Variants in RPS6KC1 observed in about 807,000 individuals in gnomAD.
RPS6KC1 encodes inactive ribosomal protein S6 kinase delta-1.
A neutral mutation model predicts 103.8 loss-of-function variants in RPS6KC1; 54 were observed. The observed-to-expected ratio is 0.52, with a 90% CI of 0.42 to 0.65. RPS6KC1 has a LOEUF of 0.65. Ranked by LOEUF, RPS6KC1 falls within the 30% of genes least tolerant of loss-of-function variation. RPS6KC1 has a pLI of 0.00. For missense variants in RPS6KC1, 1,151 were observed against 1,253.8 expected, an observed-to-expected ratio of 0.92 and a Z score of 1.24; for synonymous variants, 439 against 438.7, an observed-to-expected ratio of 1.00 and a Z score of -0.01.
the RPS6KC1 span, among the ~76,000 whole-genome samples, chr1:213,558,694 A>G: frequency 0.77 from 116,990 of 152,154 alleles, 45,879 homozygotes; most frequent in East Asian, 0.98. Flanking sequence ...TTCTCCATAC[A>G]TAGTGGACTG....
At chr1:213,372,955 G>A in the RPS6KC1 span, among the ~76,000 whole-genome samples, 1 of 152,140 alleles carries the variant, frequency 6.6e-6, no homozygotes, top group Non-Finnish European at 1.5e-5. Flanking sequence ...TGGTTGTAAT[G>A]TTGAAGGTGT....
chr1:213,136,523 G>A (rs566790248), intron 6 of RPS6KC1, among the ~76,000 whole-genome samples: 9 of 152,012 alleles, frequency 5.9e-5, no homozygotes, highest in Non-Finnish European at 1.2e-4. Flanking sequence ...CAACAGTGCC[G>A]TTTATTATCC....
At chr1:213,632,857 C>A in the RPS6KC1 span, among the ~76,000 whole-genome samples, 2 of 152,158 alleles carry the variant, frequency 1.3e-5, no homozygotes, top group African/African-American at 4.8e-5. Flanking sequence ...CCTTAAATGA[C>A]CTGATGGAGC....
At chr1:213,375,073 A>G in the RPS6KC1 span, among the ~76,000 whole-genome samples, 12 of 151,830 alleles carry the variant, frequency 7.9e-5, no homozygotes, top group African/African-American at 2.4e-4. Context: ...ACACACACAT[A>G]CACACATACA....
chr1:213,306,244 C>T, the RPS6KC1 span, among the ~76,000 whole-genome samples: 3 of 152,278 alleles, frequency 2.0e-5, no homozygotes, highest in East Asian at 5.8e-4. Flanking sequence ...CATGGCCTCA[C>T]TTAATTGCCA....
the RPS6KC1 span, among the ~76,000 whole-genome samples, chr1:213,670,340 A>G: frequency 2.0e-5 from 3 of 152,302 alleles, no homozygotes; most frequent in Non-Finnish European, 4.4e-5. Flanking sequence ...GTTTTCGTTG[A>G]CTGTCCCAGG....
chr1:213,331,718 G>A, the RPS6KC1 span, among the ~76,000 whole-genome samples: 11 of 152,226 alleles, frequency 7.2e-5, no homozygotes, highest in East Asian at 1.9e-3. Context: ...TTTGAAGGAG[G>A]CCATGACTGT....
the RPS6KC1 span, among the ~76,000 whole-genome samples, chr1:213,564,060 T>C: frequency 6.6e-6 from 1 of 151,898 alleles, no homozygotes; most frequent in Non-Finnish European, 1.5e-5. Flanking sequence ...CATTTATTAC[T>C]GTTAGTAATG....
At chr1:213,157,207 A>G (rs889367318) in intron 6 of RPS6KC1, among the ~76,000 whole-genome samples, 1 of 151,206 alleles carries the variant, frequency 6.6e-6, no homozygotes, top group African/African-American at 2.4e-5. Context: ...TGAATTTTCC[A>G]ATTTTTAATT....
chr1:213,541,322 T>C, the RPS6KC1 span, among the ~76,000 whole-genome samples: 3 of 151,290 alleles, frequency 2.0e-5, no homozygotes, highest in Admixed American at 6.6e-5. Flanking sequence ...CAGATCACCA[T>C]AACAGATTTA....
At chr1:213,104,151 T>C (rs1428161023) in intron 3 of RPS6KC1, among the ~76,000 whole-genome samples, 1 of 152,242 alleles carries the variant, frequency 6.6e-6, no homozygotes. Flanking sequence ...TTTTCATCTT[T>C]AGTTTCGAAT....
the RPS6KC1 span, among the ~76,000 whole-genome samples, chr1:213,290,853 G>T: frequency 1.3e-5 from 2 of 152,114 alleles, no homozygotes; most frequent in African/African-American, 4.8e-5. Context: ...TTGACCACCT[G>T]TCTTGTACTT....
the RPS6KC1 span, among the ~76,000 whole-genome samples, chr1:213,335,674 T>A: frequency 1.4e-4 from 21 of 152,182 alleles, no homozygotes; most frequent in African/African-American, 4.3e-4. Context: ...CACACCAAGA[T>A]ACAAGGGAGA....
the RPS6KC1 span, among the ~76,000 whole-genome samples, chr1:213,703,284 C>T: frequency 6.6e-6 from 1 of 152,090 alleles, no homozygotes; most frequent in Non-Finnish European, 1.5e-5. Context: ...GTTGTTTCTA[C>T]TTATATCTTA....
chr1:213,214,505 G>T (rs563679255), intron 8 of RPS6KC1, among the ~76,000 whole-genome samples: 1 of 152,320 alleles, frequency 6.6e-6, no homozygotes, highest in Admixed American at 6.5e-5. Flanking sequence ...AAATGTCCCT[G>T]TCTGACAGCT....
the RPS6KC1 span, among the ~76,000 whole-genome samples, chr1:213,675,258 T>C: frequency 1.1e-4 from 16 of 152,348 alleles, no homozygotes; most frequent in African/African-American, 3.8e-4. Flanking sequence ...TTAGCACCTG[T>C]CACATGCTGC....
At chr1:213,638,212 A>T in the RPS6KC1 span, among the ~76,000 whole-genome samples, 1 of 152,020 alleles carries the variant, frequency 6.6e-6, no homozygotes, top group African/African-American at 2.4e-5. Context: ...ATATATTCAA[A>T]TTTTTGCCGA....
chr1:213,827,189 G>A, the RPS6KC1 span, among the ~76,000 whole-genome samples: 1 of 152,132 alleles, frequency 6.6e-6, no homozygotes, highest in East Asian at 1.9e-4. Context: ...ACATGTTATT[G>A]AACCTCCACA....
At chr1:213,641,076 G>A in the RPS6KC1 span, among the ~76,000 whole-genome samples, 6 of 151,346 alleles carry the variant, frequency 4.0e-5, no homozygotes, top group African/African-American at 1.2e-4. Flanking sequence ...TTAGAAATAT[G>A]TAATGTCTCT....
Sources: gnomAD v4.1 joint callset for allele counts (sites outside exome capture counted in the v4.1 genomes callset) on GRCh38, gnomAD v4.1.1 for gene constraint, MANE v1.5 for transcripts, NCBI Gene and HGNC (gene_info 2026-07-23, HGNC 2026-07-21) for gene names.